GRM3: variants seen among roughly 807,000 people sequenced by gnomAD.
GRM3 encodes metabotropic glutamate receptor 3.
GRM3 carries 26 observed loss-of-function variants against 70.5 expected under a neutral mutation model. The ratio of observed to expected loss-of-function variants is 0.37; its 90% confidence interval spans 0.27 to 0.51. The LOEUF is 0.51. Among genes scored for constraint, GRM3 ranks in the 20% least tolerant of loss-of-function variants. The pLI, the probability that GRM3 is intolerant of heterozygous loss-of-function variation, is 0.93. For missense variants in GRM3, 859 were observed against 1,123.8 expected, an observed-to-expected ratio of 0.76 and a Z score of 3.37; for synonymous variants, 443 against 434.9, an observed-to-expected ratio of 1.02 and a Z score of -0.23.
intron 3 of GRM3, among the ~76,000 whole-genome samples, chr7:86,797,025 A>C (rs774045143): frequency 1.3e-5 from 2 of 152,216 alleles, no homozygotes; most frequent in Non-Finnish European, 2.9e-5. Context: ...AGGCTGCCCC[A>C]GCCATGTGGA....
chr7:86,827,967 C>T (rs1208190851), intron 3 of GRM3, among the ~76,000 whole-genome samples: 1 of 151,922 alleles, frequency 6.6e-6, no homozygotes, highest in Non-Finnish European at 1.5e-5. Context: ...AAAAAATTAG[C>T]TGGGCGTGGT....
intron 1 of GRM3, among the ~76,000 whole-genome samples, chr7:86,674,243 G>A (rs1440685312): frequency 6.9e-6 from 1 of 145,788 alleles, no homozygotes; most frequent in African/African-American, 2.4e-5. Flanking sequence ...CCCCCAAGAT[G>A]TTTTCCTCAT....
intron 5 of GRM3, among the ~76,000 whole-genome samples, chr7:86,857,822 T>C (rs934981879): frequency 1.1e-4 from 16 of 152,174 alleles, no homozygotes; most frequent in African/African-American, 3.6e-4. Flanking sequence ...GAATGCAGGA[T>C]TGGTAGAAAA....
chr7:86,813,649 G>T (rs1438125427), intron 3 of GRM3, among the ~76,000 whole-genome samples: 1 of 151,766 alleles, frequency 6.6e-6, no homozygotes, highest in Non-Finnish European at 1.5e-5. Flanking sequence ...ACACAGATGT[G>T]TTGTTTAACA....
At chr7:86,730,281 A>G (rs1795698681) in intron 1 of GRM3, among the ~76,000 whole-genome samples, 1 of 151,180 alleles carries the variant, frequency 6.6e-6, no homozygotes, top group African/African-American at 2.4e-5. Context: ...TTAGCTGAAC[A>G]TGGTGGCACA....
chr7:86,706,699 A>T (rs1006509965), intron 1 of GRM3, among the ~76,000 whole-genome samples: 1 of 152,012 alleles, frequency 6.6e-6, no homozygotes, highest in Non-Finnish European at 1.5e-5. Flanking sequence ...AGGTTACTCT[A>T]GTATGCCAGG....
At chr7:86,659,127 G>T (rs1296956470) in intron 1 of GRM3, among the ~76,000 whole-genome samples, 1 of 152,092 alleles carries the variant, frequency 6.6e-6, no homozygotes, top group African/African-American at 2.4e-5. Flanking sequence ...CATTTTCATA[G>T]AAGACGATTC....
intron 1 of GRM3, among the ~76,000 whole-genome samples, chr7:86,730,290 C>A (rs901756174): frequency 6.6e-6 from 1 of 151,546 alleles, no homozygotes; most frequent in Non-Finnish European, 1.5e-5. Context: ...CATGGTGGCA[C>A]ATGCCTGTAA....
intron 1 of GRM3, among the ~76,000 whole-genome samples, chr7:86,753,724 C>A (rs1304194055): frequency 6.6e-6 from 1 of 152,076 alleles, no homozygotes; most frequent in Non-Finnish European, 1.5e-5. Context: ...ATATTGCCTT[C>A]CCAATCAATT....
At chr7:86,744,984 T>G (rs1048669992) in intron 1 of GRM3, among the ~76,000 whole-genome samples, 1 of 151,974 alleles carries the variant, frequency 6.6e-6, no homozygotes, top group Non-Finnish European at 1.5e-5. Flanking sequence ...GGTACCTTAG[T>G]TGTCTTGGCA....
intron 5 of GRM3, among the ~76,000 whole-genome samples, chr7:86,851,847 C>T (rs1798760699): frequency 6.6e-6 from 1 of 152,130 alleles, no homozygotes; most frequent in Non-Finnish European, 1.5e-5. Flanking sequence ...CTTGAGCAAA[C>T]AAAGCTCTTT....
At chr7:86,724,132 G>C (rs1408794924) in intron 1 of GRM3, among the ~76,000 whole-genome samples, 1 of 152,126 alleles carries the variant, frequency 6.6e-6, no homozygotes, top group Non-Finnish European at 1.5e-5. Flanking sequence ...CCAATAACAT[G>C]AGCAGACAGA....
At chr7:86,784,162 G>A (rs1010629892) in intron 2 of GRM3, 6 of 151,552 alleles carry the variant, frequency 4.0e-5, no homozygotes, top group South Asian at 2.1e-4. Flanking sequence ...AATTATTCTC[G>A]TACATCCTGG....
At chr7:86,675,739 T>A (rs952530722) in intron 1 of GRM3, among the ~76,000 whole-genome samples, 16 of 152,082 alleles carry the variant, frequency 1.1e-4, no homozygotes, top group African/African-American at 3.6e-4. Context: ...AAAATAAAAA[T>A]GAGGAAATCT....
chr7:86,690,188 G>C (rs1237846464), intron 1 of GRM3, among the ~76,000 whole-genome samples: 1 of 152,138 alleles, frequency 6.6e-6, no homozygotes, highest in Non-Finnish European at 1.5e-5. Flanking sequence ...GTTCCAAGTA[G>C]AGGGATCAGG....
rs919334990 is a variant in GRM3 at position 86,649,160 on chromosome 7, C to T, written c.-141+4288C>T. Among the ~76,000 whole-genome samples, 11 of 152,280 alleles carry T rather than the reference C, an allele frequency of 7.2e-5. No individual in the cohort carries two copies. In the East Asian group the frequency reaches 1.7e-3, roughly 24 times the overall value. ...GAAATAATTTTTAAACAAGTACTCTCCCTCCTGAGGTCCCAAAGTATTTTT... is the reference window on the plus strand; with the variant it reads ...GAAATAATTTTTAAACAAGTACTCTTCCTCCTGAGGTCCCAAAGTATTTTT... On this transcript the variant is annotated intron_variant, in intron 1 of 5. Transcript: ENST00000361669.
intron 1 of GRM3, among the ~76,000 whole-genome samples, chr7:86,739,622 A>C (rs773475928): frequency 3.4e-4 from 51 of 152,160 alleles, no homozygotes; most frequent in Non-Finnish European, 6.8e-4. Context: ...ATTTATAAAG[A>C]CTGCCCCAAT....
In GRM3 at chr7:86,736,802, A is replaced by G. The variant is rs552494175; in HGVS notation, c.-140-28204A>G. Among the ~76,000 whole-genome samples, 17 of 152,278 alleles carry G rather than the reference A, an allele frequency of 1.1e-4. No homozygotes were observed. In the East Asian group the frequency reaches 3.3e-3, roughly 29 times the overall value. On this transcript the variant is annotated intron_variant, in intron 1 of 5. Transcript: ENST00000361669. ...TAGGAACTATGATCTTACTGCATGC[A>G]CTCAAGAAGAGGAGAAACCAGATTT...
intron 3 of GRM3, among the ~76,000 whole-genome samples, chr7:86,805,795 A>G (rs949589727): frequency 6.6e-6 from 1 of 152,200 alleles, no homozygotes; most frequent in Admixed American, 6.5e-5. Flanking sequence ...CATGTGCACA[A>G]CATGCAGATT....
Sources: gnomAD v4.1 joint callset for allele counts (sites outside exome capture counted in the v4.1 genomes callset) on GRCh38, gnomAD v4.1.1 for gene constraint, MANE v1.5 for transcripts, NCBI Gene and HGNC (gene_info 2026-07-23, HGNC 2026-07-21) for gene names.